Variants in DNAAF5 observed in about 807,000 individuals in gnomAD.
The protein encoded by DNAAF5 is HEAT repeat containing 2.
In DNAAF5, 64 loss-of-function variants were observed where a neutral mutation model predicts 75.8. That is an observed-to-expected ratio of 0.84 (90% CI 0.69 to 1.04). DNAAF5 has a LOEUF of 1.04. DNAAF5 is among the 50% of genes least tolerant of loss of function. The probability of loss-of-function intolerance (pLI) is 0.00; values close to 1 mark genes in which losing one functional copy is unlikely to be tolerated. For missense variants in DNAAF5, 1,269 were observed against 1,178.5 expected, an observed-to-expected ratio of 1.08 and a Z score of -1.12; for synonymous variants, 657 against 557.2, an observed-to-expected ratio of 1.18 and a Z score of -2.52.
intron 7 of DNAAF5, among the ~76,000 whole-genome samples, chr7:762,431 G>A (rs1043737466): frequency 2.0e-5 from 3 of 151,228 alleles, no homozygotes; most frequent in Admixed American, 6.6e-5. Context: ...AGGTTGCAGT[G>A]AGCCAAGATC....
chr7:745,517 GCA>G (rs1270906190), intron 4 of DNAAF5, among the ~76,000 whole-genome samples: 3 of 152,144 alleles, frequency 2.0e-5, no homozygotes, highest in South Asian at 2.1e-4. Flanking sequence ...GTGCACATAT[GCA>G]CACGTGTGTA....
chr7:780,825 TC>T (rs201292784), intron 12 of DNAAF5, among the ~76,000 whole-genome samples: 7 of 144,624 alleles, frequency 4.8e-5, no homozygotes, highest in Admixed American at 2.8e-4. Flanking sequence ...CTTTTTTTTT[TC>T]TTTTTTTTTT....
chr7:770,671 G>A lies in DNAAF5; in HGVS notation c.1931+53G>A, dbSNP rs182778877. 2.1e-3 allele frequency: 3,382 copies of A among 1,573,484 alleles called. 10 individuals carry two copies. Among genetic ancestry groups the A allele is most frequent in the Non-Finnish European group, 2.3e-3 (2,610 of 1,155,558 alleles). On this transcript the variant is annotated intron_variant, in intron 9 of 12. Coordinates refer to ENST00000297440, the MANE Select transcript of DNAAF5 (RefSeq NM_017802.4). ...CCCCCAGCTGGGGCCTGGGCCAGGG[G>A]TCCCCATCTCCCTCCCCAACAGCTC... is the stretch of plus-strand genomic sequence containing the variant.
At chr7:739,741 C>T (rs192371853) in intron 2 of DNAAF5, among the ~76,000 whole-genome samples, 4 of 152,270 alleles carry the variant, frequency 2.6e-5, no homozygotes, top group East Asian at 3.9e-4. Flanking sequence ...CAATGAACTT[C>T]GGAGCAGTCA....
chr7:770,912 C>T (rs1227217184), intron 9 of DNAAF5: 6 of 321,934 alleles, frequency 1.9e-5, no homozygotes, highest in South Asian at 7.0e-5. Flanking sequence ...TGTGCAGTGA[C>T]CCCTGAGCTT....
intron 9 of DNAAF5, among the ~76,000 whole-genome samples, 200 bp from the exon 10 acceptor site, chr7:773,848 T>G (rs964727809): frequency 6.6e-6 from 1 of 152,080 alleles, no homozygotes; most frequent in African/African-American, 2.4e-5. Flanking sequence ...CACCCCTGTC[T>G]CCCCGGTAGG....
chr7:782,698 G>A (rs1420289917), intron 12 of DNAAF5, among the ~76,000 whole-genome samples: 1 of 110,944 alleles, frequency 9.0e-6, no homozygotes, highest in African/African-American at 3.9e-5. Context: ...CTCCCGTCAC[G>A]CAGCGTCAGA....
At chr7:753,631 G>A (rs1048090202) in intron 4 of DNAAF5, among the ~76,000 whole-genome samples, 2 of 150,000 alleles carry the variant, frequency 1.3e-5, no homozygotes, top group African/African-American at 4.9e-5. Flanking sequence ...GGCTTCACAG[G>A]CGTATCTCTG....
chr7:740,144 C>A (rs1465164995), intron 2 of DNAAF5, among the ~76,000 whole-genome samples: 5 of 152,208 alleles, frequency 3.3e-5, no homozygotes, highest in African/African-American at 1.2e-4. Context: ...TTCTTCCTGG[C>A]CGTTCCCGCT....
rs193009381 is a variant in DNAAF5, at chr7:734,001, G to T, written c.780+4154G>T. On this transcript the variant is annotated intron_variant, in intron 2 of 12. Coordinates refer to ENST00000297440, the MANE Select transcript of DNAAF5 (RefSeq NM_017802.4). ...TGAATTTGTTTATCTGTTCTAATAG[G>T]TTTTTTGTGGAATCTTTAGGTTTTT... is the stretch of plus-strand genomic sequence containing the variant. 3.4e-3 allele frequency among the ~76,000 whole-genome samples: 512 copies of T among 152,280 alleles called. 1 individual carries two copies. Among genetic ancestry groups the T allele is most frequent in the Non-Finnish European group, 5.1e-3 (346 of 68,004 alleles).
intron 8 of DNAAF5, chr7:769,192 A>G (rs747718399): frequency 2.6e-6 from 2 of 774,444 alleles, no homozygotes; most frequent in East Asian, 4.9e-5. Flanking sequence ...CGAGGTCCCC[A>G]GCAACGGCTC....
At chr7:735,428 C>T (rs1170231039) in intron 2 of DNAAF5, among the ~76,000 whole-genome samples, 1 of 144,144 alleles carries the variant, frequency 6.9e-6, no homozygotes, top group African/African-American at 2.6e-5. Flanking sequence ...CTTACAACGT[C>T]GCTGCTCACG....
Position 754,280 on chromosome 7 carries a change from G to A in DNAAF5, c.1025-309G>A, listed in dbSNP as rs1407383874. On this transcript the variant is annotated intron_variant, in intron 4 of 12. Transcript: ENST00000297440. The surrounding 1 kb of genome is among the most constrained non-coding windows in gnomAD (Gnocchi z 4.8). ...GCTGGGACCACAGGCATGCACCACG[G>A]CACCTGGCTAATCTTCCTGTTTTTT... Among the ~76,000 whole-genome samples the A allele has an allele frequency of 6.6e-6, 1 of 152,142 alleles. No individual in the cohort carries two copies. The highest frequency in any genetic ancestry group is 1.5e-5 in the Non-Finnish European group (1 of 68,026).
At chr7:784,889 C>T (rs773873184) in intron 12 of DNAAF5, among the ~76,000 whole-genome samples, 20 of 152,230 alleles carry the variant, frequency 1.3e-4, no homozygotes, top group Non-Finnish European at 2.2e-4. Context: ...ATTTTCAGTT[C>T]TTTGAATGCA....
intron 8 of DNAAF5, among the ~76,000 whole-genome samples, chr7:765,334 C>A (rs938045891): frequency 2.0e-5 from 3 of 152,218 alleles, no homozygotes; most frequent in Admixed American, 6.5e-5. Context: ...CCCTCAGCCC[C>A]TCTCCCACGG....
At chr7:733,500 T>C (rs1781646383) in intron 2 of DNAAF5, among the ~76,000 whole-genome samples, 1 of 152,000 alleles carries the variant, frequency 6.6e-6, no homozygotes, top group South Asian at 2.1e-4. Flanking sequence ...TGGTTTATAG[T>C]TTTCTTTCTT....
At chr7:743,252 T>C (rs957776455) in intron 4 of DNAAF5, among the ~76,000 whole-genome samples, 6 of 152,060 alleles carry the variant, frequency 3.9e-5, no homozygotes, top group African/African-American at 1.4e-4. Context: ...GGTGCATGCC[T>C]GTATCCCAGC....
At chr7:765,214 C>T (rs946789555) in intron 8 of DNAAF5, among the ~76,000 whole-genome samples, 2 of 152,198 alleles carry the variant, frequency 1.3e-5, no homozygotes, top group East Asian at 3.8e-4. Context: ...GCCTTAGGGC[C>T]GTCAGCTCAT....
chr7:774,711 G>C (rs1231186177), intron 10 of DNAAF5, among the ~76,000 whole-genome samples: 3 of 152,304 alleles, frequency 2.0e-5, no homozygotes, highest in African/African-American at 4.8e-5. Flanking sequence ...GGGGTGGTGC[G>C]GTCGGTGCTC....
Sources: gnomAD v4.1 joint callset for allele counts (sites outside exome capture counted in the v4.1 genomes callset) on GRCh38, gnomAD v4.1.1 for gene constraint, Gnocchi (gnomAD v3.1) non-coding constraint, MANE v1.5 for transcripts, NCBI Gene and HGNC (gene_info 2026-07-23, HGNC 2026-07-21) for gene names.